The following ZBTB44 variants were observed in gnomAD, a reference collection of about 807,000 sequenced individuals.
ZBTB44 encodes zinc finger and BTB domain containing 44.
Under a neutral mutation model 54.0 loss-of-function variants are expected in ZBTB44, and 15 were observed. The observed-to-expected ratio is 0.28, with a 90% CI of 0.19 to 0.43. The LOEUF (loss-of-function observed/expected upper bound fraction) is 0.43, where lower values mean the gene tolerates loss of function less well. ZBTB44 is among the 20% of genes least tolerant of loss of function. The pLI, the probability that ZBTB44 is intolerant of heterozygous loss-of-function variation, is 1.00. For synonymous variants in ZBTB44, 230 were observed against 250.1 expected, an observed-to-expected ratio of 0.92 and a Z score of 0.76; for missense variants, 487 against 707.1, an observed-to-expected ratio of 0.69 and a Z score of 3.53.
Position 130,262,540 on chromosome 11 carries a change from C to T in ZBTB44, c.-56-611G>A, listed in dbSNP as rs538444058. Among the ~76,000 whole-genome samples, 3 of 152,260 alleles carry T rather than the reference C, an allele frequency of 2.0e-5. No individual in the cohort carries two copies. In the East Asian group the frequency reaches 5.8e-4, roughly 29 times the overall value. ...GCCAGACAGTATTTGAAATGCTTCA[C>T]ATTTAATAGTTAGTTGATTGTCATC... On this transcript the variant is annotated intron_variant, in intron 1 of 7. Transcript: ENST00000357899.
At chr11:130,236,473 C>T (rs1156799745) in intron 5 of ZBTB44, among the ~76,000 whole-genome samples, 1 of 152,102 alleles carries the variant, frequency 6.6e-6, no homozygotes, top group African/African-American at 2.4e-5. Context: ...GGTAAAATTT[C>T]CAGTAAGATC....
intron 5 of ZBTB44, among the ~76,000 whole-genome samples, chr11:130,234,485 C>T (rs989712232): frequency 1.3e-5 from 2 of 152,274 alleles, no homozygotes; most frequent in African/African-American, 2.4e-5. Flanking sequence ...CAATCTTCCC[C>T]ACCACCAATA....
At chr11:130,257,090 A>T (rs1053810212) in intron 2 of ZBTB44, among the ~76,000 whole-genome samples, 1 of 152,100 alleles carries the variant, frequency 6.6e-6, no homozygotes, top group Non-Finnish European at 1.5e-5. Context: ...ATACAAAATC[A>T]ATGTGCAAAA....
At chr11:130,234,557 T>C (rs558678588) in intron 5 of ZBTB44, among the ~76,000 whole-genome samples, 2 of 152,354 alleles carry the variant, frequency 1.3e-5, no homozygotes, top group East Asian at 3.9e-4. Flanking sequence ...TCTTGTTCTA[T>C]GTAGAGGAGT....
At chr11:130,294,137 G>A (rs955788428) in intron 1 of ZBTB44, among the ~76,000 whole-genome samples, 3 of 152,028 alleles carry the variant, frequency 2.0e-5, no homozygotes, top group Non-Finnish European at 4.4e-5. Context: ...GGCCGGGCAC[G>A]GTAACTCACA....
chr11:130,296,129 T>C, intron 1 of ZBTB44: 1 of 1,490,562 alleles, frequency 6.7e-7, no homozygotes, highest in Non-Finnish European at 9.3e-7. Flanking sequence ...AGACAGACTA[T>C]GCTCTTTTCT....
At chr11:130,301,717 C>A (rs956005675) in intron 1 of ZBTB44, among the ~76,000 whole-genome samples, 1 of 150,958 alleles carries the variant, frequency 6.6e-6, no homozygotes, top group Non-Finnish European at 1.5e-5. Context: ...ATAAGAGGCA[C>A]TGAAGACCCA....
intron 3 of ZBTB44, 142 bp from the exon 4 acceptor site, chr11:130,238,749 C>A: frequency 1.2e-6 from 1 of 857,578 alleles, no homozygotes; most frequent in African/African-American, 1.8e-5. Context: ...TCAAGTTTTA[C>A]TTTAACAATA....
intron 2 of ZBTB44, among the ~76,000 whole-genome samples, chr11:130,255,256 C>T (rs1262420444): frequency 6.6e-6 from 1 of 152,018 alleles, no homozygotes; most frequent in South Asian, 2.1e-4. Flanking sequence ...GAAACTCATT[C>T]AAAACTGCAC....
rs900286872 is a variant in ZBTB44 at position 130,254,580 on chromosome 11, T to C, written c.1018+6276A>G. On this transcript the variant is annotated intron_variant, in intron 2 of 7. Coordinates refer to ENST00000357899, the MANE Select transcript of ZBTB44 (RefSeq NM_001301098.2). The stretch of plus-strand genomic sequence containing the variant: ...CATTAAAAAGTCAGGAAACAACAGG[T>C]GCTGGAGAGGATGTGGAGAAATAGG... Among the ~76,000 whole-genome samples, 252 of 152,218 alleles carry C rather than the reference T, an allele frequency of 1.7e-3. 2 individuals carry two copies. Among genetic ancestry groups the C allele is most frequent in the Non-Finnish European group, 1.6e-3 (106 of 68,016 alleles).
intron 5 of ZBTB44, chr11:130,236,565 G>A: frequency 2.4e-6 from 1 of 414,190 alleles, no homozygotes; most frequent in Non-Finnish European, 4.0e-6. Context: ...TACTTCTGCA[G>A]GAAAATATTT....
intron 2 of ZBTB44, among the ~76,000 whole-genome samples, chr11:130,242,002 T>C (rs1954387022): frequency 6.6e-6 from 1 of 152,226 alleles, no homozygotes; most frequent in South Asian, 2.1e-4. Context: ...TGTAGCTTTA[T>C]AATAAATCTT....
chr11:130,296,947 G>T, intron 1 of ZBTB44: 2 of 745,444 alleles, frequency 2.7e-6, no homozygotes, highest in East Asian at 4.9e-5. Context: ...CAGAAAAAGC[G>T]AGGAGGTGGT....
intron 1 of ZBTB44, chr11:130,296,434 A>C: frequency 7.5e-7 from 1 of 1,332,696 alleles, no homozygotes; most frequent in Non-Finnish European, 1.0e-6. Context: ...AAGCAAAATA[A>C]ATGTACGACC....
intron 5 of ZBTB44, among the ~76,000 whole-genome samples, chr11:130,235,493 T>G (rs1222406070): frequency 6.6e-6 from 1 of 152,074 alleles, no homozygotes; most frequent in Non-Finnish European, 1.5e-5. Flanking sequence ...CAGGAATAAT[T>G]TGGAATTTGT....
intron 1 of ZBTB44, among the ~76,000 whole-genome samples, chr11:130,303,452 A>G (rs1251236620): frequency 1.3e-5 from 2 of 152,144 alleles, no homozygotes; most frequent in Non-Finnish European, 2.9e-5. Flanking sequence ...CCTGACCAAC[A>G]TGGAGAAACC....
intron 1 of ZBTB44, among the ~76,000 whole-genome samples, chr11:130,270,364 G>A (rs546280219): frequency 6.6e-6 from 1 of 152,312 alleles, no homozygotes; most frequent in South Asian, 2.1e-4. Flanking sequence ...TATCCAGGTG[G>A]AAATTTATAC....
At chr11:130,245,254 C>G (rs1054482998) in intron 2 of ZBTB44, among the ~76,000 whole-genome samples, 1 of 152,118 alleles carries the variant, frequency 6.6e-6, no homozygotes, top group African/African-American at 2.4e-5. Context: ...TCCCCTATGT[C>G]TACTTATGCA....
chr11:130,279,640 C>T (rs1005027841), intron 1 of ZBTB44, among the ~76,000 whole-genome samples: 6 of 151,758 alleles, frequency 4.0e-5, no homozygotes, highest in African/African-American at 1.5e-4. Flanking sequence ...GCCTGGACAA[C>T]AGAGCGAGAC....
Sources: allele counts gnomAD v4.1 joint callset (sites outside exome capture counted in the v4.1 genomes callset), GRCh38; gene constraint gnomAD v4.1.1; transcripts MANE v1.5; gene names NCBI Gene and HGNC (gene_info 2026-07-23, HGNC 2026-07-21).